The following MBNL1 variants were observed in gnomAD, a reference collection of about 807,000 sequenced individuals.
MBNL1 encodes muscleblind like splicing regulator 1.
In MBNL1, 8 loss-of-function variants were observed where a neutral mutation model predicts 42.2. The ratio of observed to expected loss-of-function variants is 0.19; its 90% confidence interval spans 0.11 to 0.34. The LOEUF is 0.34. Among genes scored for constraint, MBNL1 ranks in the 10% least tolerant of loss-of-function variants. MBNL1 has a pLI of 1.00. For synonymous variants in MBNL1, 169 were observed against 173.9 expected (o/e 0.97, Z 0.22); for missense variants, 309 against 495.3 (o/e 0.62, Z 3.57).
intron 2 of MBNL1, among the ~76,000 whole-genome samples, chr3:152,257,439 G>C (rs896218778): frequency 8.5e-5 from 13 of 152,136 alleles, no homozygotes; most frequent in African/African-American, 3.1e-4. Context: ...GAGCCAAGAG[G>C]CCTCTCCTTG....
chr3:152,251,791 G>A (rs948860543), intron 2 of MBNL1, among the ~76,000 whole-genome samples: 1 of 151,902 alleles, frequency 6.6e-6, no homozygotes, highest in Non-Finnish European at 1.5e-5. Context: ...CCTAGTCAAG[G>A]TGTTGTCTGA....
chr3:152,327,544 C>T (rs1308872437), intron 2 of MBNL1, among the ~76,000 whole-genome samples: 1 of 151,812 alleles, frequency 6.6e-6, no homozygotes, highest in East Asian at 1.9e-4. Context: ...GATGGGGTTT[C>T]ACCCATGTTG....
At chr3:152,290,828 T>C (rs1042658610) in intron 1 of MBNL1, among the ~76,000 whole-genome samples, 5 of 152,182 alleles carry the variant, frequency 3.3e-5, no homozygotes. Flanking sequence ...ACAGTATTAC[T>C]GTGTGTTGCA....
intron 2 of MBNL1, among the ~76,000 whole-genome samples, chr3:152,320,286 G>A (rs769822840): frequency 6.6e-6 from 1 of 152,038 alleles, no homozygotes; most frequent in Non-Finnish European, 1.5e-5. Context: ...GTTTCTCTGC[G>A]GAGTCCAGCA....
intron 2 of MBNL1, among the ~76,000 whole-genome samples, chr3:152,364,491 G>T (rs1165273964): frequency 6.6e-6 from 1 of 152,018 alleles, no homozygotes; most frequent in Non-Finnish European, 1.5e-5. Context: ...ATCAGAAGTG[G>T]TGTGGGAGTT....
chr3:152,276,140 G>T (rs1377999622), intron 1 of MBNL1, among the ~76,000 whole-genome samples: 1 of 152,064 alleles, frequency 6.6e-6, no homozygotes, highest in Non-Finnish European at 1.5e-5. Context: ...TATGAGGCTT[G>T]TCATTTTTAT....
intron 1 of MBNL1, among the ~76,000 whole-genome samples, chr3:152,284,401 T>G (rs1262825743): frequency 6.6e-6 from 1 of 152,090 alleles, no homozygotes; most frequent in Non-Finnish European, 1.5e-5. Context: ...GATTTCTCTG[T>G]GCCAAAAAGT....
At chr3:152,357,597 A>G (rs2153078339) in intron 2 of MBNL1, among the ~76,000 whole-genome samples, 1 of 152,158 alleles carries the variant, frequency 6.6e-6, no homozygotes, top group Non-Finnish European at 1.5e-5. Flanking sequence ...TTTTAAGGGT[A>G]TGTGTGTGTG....
chr3:152,313,491 C>A (rs758363182), intron 2 of MBNL1, among the ~76,000 whole-genome samples: 9 of 152,100 alleles, frequency 5.9e-5, no homozygotes, highest in Non-Finnish European at 1.3e-4. Flanking sequence ...GTATCATTTG[C>A]TTTCAAGATT....
In MBNL1 at chr3:152,364,863, CT is replaced by C. The variant is rs897219915; in HGVS notation, c.175-50067del. ...ATTTGTTATTTTGTGACTTGTCCTG[CT>C]TTTTTTTTTTCATAACCATTTTTAG... On this transcript the variant is annotated intron_variant, in intron 2 of 9. Coordinates refer to ENST00000324210, the MANE Select transcript of MBNL1 (RefSeq NM_021038.5). 1.1e-3 allele frequency among the ~76,000 whole-genome samples: 165 copies of C among 144,940 alleles called. 1 individual carries two copies. The highest frequency in any genetic ancestry group is 7.0e-3 in the South Asian group (32 of 4,586).
chr3:152,444,788 C>T (rs1022135676), intron 4 of MBNL1, among the ~76,000 whole-genome samples: 4 of 152,080 alleles, frequency 2.6e-5, no homozygotes, highest in Admixed American at 1.3e-4. Context: ...GAGTACTAGT[C>T]GGTTATTAGT....
At chr3:152,268,924 G>GC (rs1356412491), upstream of MBNL1, 1 of 456,186 alleles carries the variant, frequency 2.2e-6, no homozygotes, top group East Asian at 6.9e-5. Flanking sequence ...ACAGCGACAT[G>GC]CAACAGTCTT....
At chr3:152,281,814 A>G (rs2048666101) in intron 1 of MBNL1, among the ~76,000 whole-genome samples, 1 of 152,188 alleles carries the variant, frequency 6.6e-6, no homozygotes, top group African/African-American at 2.4e-5. Flanking sequence ...TTTCATCACT[A>G]AAACATAGAA....
chr3:152,283,402 T>C (rs1037929283), intron 1 of MBNL1, among the ~76,000 whole-genome samples: 1 of 152,202 alleles, frequency 6.6e-6, no homozygotes, highest in Non-Finnish European at 1.5e-5. Flanking sequence ...TGGTGGTGTT[T>C]TTAATCAATT....
At chr3:152,367,952 C>CT (rs1363209416) in intron 2 of MBNL1, among the ~76,000 whole-genome samples, 2 of 151,396 alleles carry the variant, frequency 1.3e-5, no homozygotes, top group African/African-American at 4.9e-5. Flanking sequence ...ATTGCAAAAA[C>CT]TTTCTCCCAT....
At chr3:152,458,221 C>T in intron 8 of MBNL1, 1 of 1,606,902 alleles carries the variant, frequency 6.2e-7, no homozygotes, top group Non-Finnish European at 8.5e-7. Context: ...ATGCTTGGAG[C>T]ACATTTTCGT....
At chr3:152,409,577 G>A (rs991978299) in intron 2 of MBNL1, among the ~76,000 whole-genome samples, 8 of 152,042 alleles carry the variant, frequency 5.3e-5, no homozygotes, top group South Asian at 2.1e-4. Context: ...AAAAACATTT[G>A]CATATATCAG....
intron 2 of MBNL1, among the ~76,000 whole-genome samples, chr3:152,250,845 G>T (rs1250964875): frequency 6.6e-6 from 1 of 151,930 alleles, no homozygotes; most frequent in Admixed American, 6.6e-5. Context: ...GTTGAATTTT[G>T]TCAAAGGCCT....
intron 2 of MBNL1, among the ~76,000 whole-genome samples, chr3:152,257,810 T>G (rs1341072625): frequency 6.6e-6 from 1 of 152,220 alleles, no homozygotes. Context: ...AAAAAATTTT[T>G]GAAATATAGT....
Sources: allele counts gnomAD v4.1 joint callset (sites outside exome capture counted in the v4.1 genomes callset), GRCh38; gene constraint gnomAD v4.1.1; transcripts MANE v1.5; gene names NCBI Gene and HGNC (gene_info 2026-07-23, HGNC 2026-07-21).